The following FAM13C variants were observed in gnomAD, a reference collection of about 807,000 sequenced individuals.
FAM13C encodes the protein protein FAM13C.
FAM13C carries 37 observed loss-of-function variants against 73.2 expected under a neutral mutation model. The ratio of observed to expected loss-of-function variants is 0.51; its 90% CI spans 0.39 to 0.67. The LOEUF (loss-of-function observed/expected upper bound fraction) is 0.67, where lower values mean the gene tolerates loss of function less well. Among genes scored for constraint, FAM13C ranks in the 30% least tolerant of loss-of-function variants. The pLI is 0.00. For missense variants in FAM13C, 589 were observed against 715.6 expected (o/e 0.82, Z 2.02); for synonymous variants, 246 against 260.9 (o/e 0.94, Z 0.55).
At chr10:59,281,087 G>A in intron 6 of FAM13C, among the ~76,000 whole-genome samples, 1 of 152,132 alleles carries the variant, frequency 6.6e-6, no homozygotes, top group East Asian at 1.9e-4. Flanking sequence ...AAGGCTCAGA[G>A]ATAATGCTAG....
At chr10:59,259,797 G>A (rs781699613) in intron 10 of FAM13C, among the ~76,000 whole-genome samples, 2 of 152,016 alleles carry the variant, frequency 1.3e-5, no homozygotes, top group Non-Finnish European at 2.9e-5. Context: ...CTGATCTTCC[G>A]ACTCTCATTT....
chr10:59,339,581 C>A (rs1853218836), intron 3 of FAM13C, among the ~76,000 whole-genome samples: 1 of 152,108 alleles, frequency 6.6e-6, no homozygotes. Context: ...CTCTTGAATT[C>A]CACTATCACT....
In FAM13C at chr10:59,262,458, T is replaced by C; in HGVS notation, c.1212A>G (p.Gln404=). Residue 404 remains glutamine, a synonymous_variant, in exon 10 of 14, where the codon CAA becomes CAG. Transcript: ENST00000618804. ...CCTTAGAATCCTCCTGGGGAGGAAGTTGCTCTCTTCTCTCCTTCAGGCATG... is the reference window on the plus strand; with the variant it reads ...CCTTAGAATCCTCCTGGGGAGGAAGCTGCTCTCTTCTCTCCTTCAGGCATG... ...ALTCLKERRE[Q]LPPQEDSKVT... 1 of 1,613,656 alleles carries C rather than the reference T, an allele frequency of 6.2e-7. No individual in the cohort carries two copies. Among genetic ancestry groups the C allele is most frequent in the Non-Finnish European group, 8.5e-7 (1 of 1,179,712 alleles).
At chr10:59,356,163 C>G (rs970487866) in intron 1 of FAM13C, among the ~76,000 whole-genome samples, 1 of 152,184 alleles carries the variant, frequency 6.6e-6, no homozygotes, top group Non-Finnish European at 1.5e-5. Context: ...ATGTGACTCT[C>G]CTTTTTGCCT....
intron 13 of FAM13C, among the ~76,000 whole-genome samples, chr10:59,250,050 G>A (rs369488717): frequency 3.3e-5 from 5 of 152,234 alleles, no homozygotes; most frequent in South Asian, 2.1e-4. Flanking sequence ...AAGAGTGTAC[G>A]CACATCTTAA....
intron 4 of FAM13C, among the ~76,000 whole-genome samples, chr10:59,319,436 G>A (rs756302794): frequency 2.6e-5 from 4 of 152,184 alleles, no homozygotes; most frequent in Non-Finnish European, 5.9e-5. Context: ...AAGGTTTAAT[G>A]TCGTCATAAA....
At chr10:59,291,006 C>T (rs1846161516) in intron 5 of FAM13C, among the ~76,000 whole-genome samples, 1 of 152,090 alleles carries the variant, frequency 6.6e-6, no homozygotes, top group Admixed American at 6.6e-5. Context: ...GATTCTGGTT[C>T]AGTAGGTCTG....
chr10:59,247,735 C>T lies in FAM13C; in HGVS notation c.1637G>A (p.Ser546Asn). The T allele has an allele frequency of 6.2e-7, 1 of 1,607,982 alleles. No homozygotes were observed. Among genetic ancestry groups the T allele is most frequent in the Non-Finnish European group, 8.5e-7 (1 of 1,177,754 alleles). ...EEQFFKQTGR[S>N]PQKEDRIPMA... ...TGGTATCCTATCTTCCTTTTGTGGA[C>T]TTCTGCAAAACAAAAATACATTTGT... Residue 546 changes from serine to asparagine, a missense_variant and splice_region_variant, in exon 14 of 14, where the codon AGT becomes AAT. Transcript: ENST00000618804.
intron 2 of FAM13C, among the ~76,000 whole-genome samples, chr10:59,352,975 T>A (rs1261501361): frequency 6.6e-6 from 1 of 152,180 alleles, no homozygotes; most frequent in Non-Finnish European, 1.5e-5. Flanking sequence ...TCATTGGCAA[T>A]GTCAGTTTAT....
intron 4 of FAM13C, among the ~76,000 whole-genome samples, chr10:59,317,417 A>G (rs550417454): frequency 1.1e-4 from 16 of 152,182 alleles, no homozygotes; most frequent in Non-Finnish European, 1.9e-4. Context: ...ACTTTCCAAG[A>G]TGTTCAGATG....
chr10:59,271,383 C>A (rs536669842), intron 6 of FAM13C, among the ~76,000 whole-genome samples: 219 of 152,310 alleles, frequency 1.4e-3, no homozygotes, highest in Non-Finnish European at 2.4e-3. Context: ...TTAGGTCCTC[C>A]TGTGTTTTCA....
intron 2 of FAM13C, among the ~76,000 whole-genome samples, chr10:59,352,942 G>T (rs1029936295): frequency 2.6e-5 from 4 of 152,192 alleles, no homozygotes; most frequent in Non-Finnish European, 5.9e-5. Context: ...TGTGTTCTTG[G>T]TTCAAGGCAC....
chr10:59,253,090 C>A, intron 11 of FAM13C, 92 bp from the exon 12 acceptor site: 1 of 1,281,762 alleles, frequency 7.8e-7, no homozygotes. Context: ...TAAATCAATG[C>A]CATGAAAACC....
chr10:59,246,130 A>G (rs1418407466), downstream of FAM13C: 1 of 152,764 alleles, frequency 6.5e-6, no homozygotes, highest in Non-Finnish European at 1.5e-5. Flanking sequence ...TCAACATAAT[A>G]AATATAATAG....
intron 6 of FAM13C, among the ~76,000 whole-genome samples, chr10:59,278,499 A>G (rs115099364): frequency 1.8e-3 from 280 of 152,288 alleles, no homozygotes; most frequent in African/African-American, 5.1e-3. Context: ...ATTCAGCACT[A>G]TTGAACCAGA....
At position 59,314,881 on chromosome 10, in the gene FAM13C, T is replaced by C. The variant is rs560990227; in HGVS notation, c.443+9107A>G. ...GGCATCTATGATACAAATTATGGCTTTAAACATTATTTAAACCTATAAAAT... is the reference window on the plus strand; with the variant it reads ...GGCATCTATGATACAAATTATGGCTCTAAACATTATTTAAACCTATAAAAT... On this transcript the variant is annotated intron_variant, in intron 4 of 13. Coordinates refer to ENST00000618804, the MANE Select transcript of FAM13C (RefSeq NM_198215.4). 5.9e-5 allele frequency among the ~76,000 whole-genome samples: 9 copies of C among 152,324 alleles called. No individual in the cohort carries two copies. In the East Asian group the frequency reaches 1.7e-3, roughly 29 times the overall value.
chr10:59,274,446 G>T (rs1844096431), intron 6 of FAM13C, among the ~76,000 whole-genome samples: 1 of 152,064 alleles, frequency 6.6e-6, no homozygotes, highest in Admixed American at 6.6e-5. Flanking sequence ...ACTCTGCATT[G>T]GGGAGACTGA....
chr10:59,262,034 T>C (rs895398859), intron 10 of FAM13C, among the ~76,000 whole-genome samples: 12 of 152,196 alleles, frequency 7.9e-5, no homozygotes, highest in Non-Finnish European at 1.2e-4. Flanking sequence ...TTACTGTTTA[T>C]AGATCATCCC....
At chr10:59,361,199 T>A in intron 1 of FAM13C, 1 of 885,582 alleles carries the variant, frequency 1.1e-6, no homozygotes, top group Non-Finnish European at 1.5e-6. Flanking sequence ...TTGCTTCTTC[T>A]AAAGTCAATC....
Sources: allele counts gnomAD v4.1 joint callset (sites outside exome capture counted in the v4.1 genomes callset), GRCh38; gene constraint gnomAD v4.1.1; transcripts MANE v1.5; gene names NCBI Gene and HGNC (gene_info 2026-07-23, HGNC 2026-07-21).